INPP4B: variants seen among roughly 807,000 people sequenced by gnomAD.
INPP4B encodes inositol polyphosphate 4-phosphatase type II.
INPP4B carries 55 observed loss-of-function variants against 122.5 expected under a neutral mutation model. The ratio of observed to expected loss-of-function variants is 0.45; its 90% CI spans 0.36 to 0.56. The LOEUF (loss-of-function observed/expected upper bound fraction) is 0.56. Ranked by LOEUF, INPP4B falls within the 20% of genes least tolerant of loss-of-function variation. INPP4B has a pLI of 0.00. For missense variants in INPP4B, 1,000 were observed against 1,097.7 expected (o/e 0.91, Z 1.26); for synonymous variants, 403 against 388.7 (o/e 1.04, Z -0.43).
chr4:142,073,742 C>T (rs1768885206), intron 25 of INPP4B, among the ~76,000 whole-genome samples: 1 of 152,002 alleles, frequency 6.6e-6, no homozygotes, highest in South Asian at 2.1e-4. Flanking sequence ...AAAATTATTT[C>T]CTTGATTCTC....
intron 2 of INPP4B, among the ~76,000 whole-genome samples, chr4:142,623,994 G>A (rs1174853719): frequency 1.3e-5 from 2 of 152,052 alleles, no homozygotes; most frequent in African/African-American, 4.8e-5. Context: ...TTGGTTCCAA[G>A]TCTTTGCTAT....
chr4:142,131,498 T>G (rs1801239500), intron 18 of INPP4B, among the ~76,000 whole-genome samples: 1 of 152,186 alleles, frequency 6.6e-6, no homozygotes, highest in African/African-American at 2.4e-5. Context: ...ACAAGTGCAA[T>G]TTTGCTATAT....
intron 2 of INPP4B, among the ~76,000 whole-genome samples, chr4:142,675,091 A>G (rs1175162132): frequency 6.6e-6 from 1 of 152,178 alleles, no homozygotes; most frequent in Non-Finnish European, 1.5e-5. Context: ...AAAGATCAAC[A>G]AAATAGATAG....
At chr4:142,650,203 G>A (rs1231490980) in intron 2 of INPP4B, among the ~76,000 whole-genome samples, 2 of 152,196 alleles carry the variant, frequency 1.3e-5, no homozygotes, top group Non-Finnish European at 2.9e-5. Flanking sequence ...CCTTGCAAGA[G>A]CTCCTGAAGG....
chr4:142,751,469 C>G (rs1044817472), intron 1 of INPP4B, among the ~76,000 whole-genome samples: 2 of 145,432 alleles, frequency 1.4e-5, no homozygotes, highest in Non-Finnish European at 3.1e-5. Context: ...AAAGCATCTC[C>G]TAACACATAC....
At chr4:142,768,134 G>A (rs1772440989) in intron 1 of INPP4B, among the ~76,000 whole-genome samples, 1 of 152,168 alleles carries the variant, frequency 6.6e-6, no homozygotes, top group South Asian at 2.1e-4. Context: ...TTCATGTAAA[G>A]TGGTTAGAAC....
intron 13 of INPP4B, 81 bp from the exon 14 acceptor site, chr4:142,208,610 A>G: frequency 1.4e-6 from 1 of 723,692 alleles, no homozygotes; most frequent in Non-Finnish European, 2.2e-6. Context: ...TTGACAGAAA[A>G]ATGTTAAAAT....
intron 5 of INPP4B, among the ~76,000 whole-genome samples, chr4:142,421,243 T>C (rs915366348): frequency 6.6e-6 from 1 of 152,104 alleles, no homozygotes; most frequent in African/African-American, 2.4e-5. Flanking sequence ...ATGCCTGTTC[T>C]GAAAAATATC....
intron 18 of INPP4B, among the ~76,000 whole-genome samples, chr4:142,132,262 G>C (rs988331151): frequency 6.6e-6 from 1 of 151,946 alleles, no homozygotes; most frequent in East Asian, 1.9e-4. Flanking sequence ...AATAAGATTG[G>C]AGAAGGTTTT....
At chr4:142,058,578 A>G (rs1408053057) in intron 25 of INPP4B, among the ~76,000 whole-genome samples, 8 of 152,132 alleles carry the variant, frequency 5.3e-5, no homozygotes, top group Admixed American at 5.2e-4. Context: ...CAGAATTCAT[A>G]TACCACTCTC....
chr4:142,810,297 G>T (rs1216990993), intron 1 of INPP4B, among the ~76,000 whole-genome samples: 2 of 151,792 alleles, frequency 1.3e-5, no homozygotes, highest in African/African-American at 4.8e-5. Context: ...AAATAAAAAA[G>T]AATTTGTCAT....
intron 1 of INPP4B, among the ~76,000 whole-genome samples, chr4:142,784,427 CTT>C (rs1464809511): frequency 1.3e-5 from 2 of 150,172 alleles, no homozygotes; most frequent in Admixed American, 1.3e-4. Flanking sequence ...AAATCAAGGA[CTT>C]TTTTTATACC....
chr4:142,145,273 A>G (rs1049825502), intron 18 of INPP4B, among the ~76,000 whole-genome samples: 2 of 152,214 alleles, frequency 1.3e-5, no homozygotes, highest in African/African-American at 2.4e-5. Context: ...ATGCACTCAC[A>G]TGTATACACA....
intron 2 of INPP4B, among the ~76,000 whole-genome samples, chr4:142,613,737 C>G (rs931532369): frequency 3.9e-5 from 6 of 152,146 alleles, no homozygotes; most frequent in African/African-American, 1.4e-4. Context: ...TATTTAGATG[C>G]TGGGTGCTTG....
intron 9 of INPP4B, among the ~76,000 whole-genome samples, chr4:142,283,432 T>C (rs1471376444): frequency 6.6e-6 from 1 of 152,172 alleles, no homozygotes; most frequent in African/African-American, 2.4e-5. Flanking sequence ...AGAACAGTCA[T>C]GCGTTGCTAG....
intron 2 of INPP4B, among the ~76,000 whole-genome samples, chr4:142,609,181 A>G (rs1741953331): frequency 6.6e-6 from 1 of 151,314 alleles, no homozygotes; most frequent in Admixed American, 6.6e-5. Flanking sequence ...CCAGTAATGG[A>G]AAATATTATT....
At chr4:142,446,127 C>G (rs1483367960) in intron 3 of INPP4B, among the ~76,000 whole-genome samples, 2 of 151,158 alleles carry the variant, frequency 1.3e-5, no homozygotes, top group Admixed American at 6.6e-5. Flanking sequence ...AAATCTAAAA[C>G]AAGCAGGATA....
At chr4:142,313,486 G>T (rs1451571748) in intron 8 of INPP4B, among the ~76,000 whole-genome samples, 2 of 152,124 alleles carry the variant, frequency 1.3e-5, no homozygotes, top group Non-Finnish European at 2.9e-5. Flanking sequence ...CCCCAGGGTG[G>T]TACTAGTGGA....
At chr4:142,246,836 G>C (rs1261511658) in intron 11 of INPP4B, among the ~76,000 whole-genome samples, 1 of 152,088 alleles carries the variant, frequency 6.6e-6, no homozygotes, top group Non-Finnish European at 1.5e-5. Context: ...TTACTATGTT[G>C]AATAGGAGGG....
Sources: gnomAD v4.1 joint callset for allele counts (sites outside exome capture counted in the v4.1 genomes callset) on GRCh38, gnomAD v4.1.1 for gene constraint, MANE v1.5 for transcripts, NCBI Gene and HGNC (gene_info 2026-07-23, HGNC 2026-07-21) for gene names.